FRMPD3: variants seen among roughly 807,000 people sequenced by gnomAD.
FRMPD3 encodes the protein FERM and PDZ domain-containing protein 3.
FRMPD3 carries 42 observed loss-of-function variants against 97.9 expected under a neutral mutation model. The observed-to-expected ratio is 0.43, with a 90% confidence interval of 0.34 to 0.55. The LOEUF (loss-of-function observed/expected upper bound fraction) is 0.55, where lower values mean the gene tolerates loss of function less well. Among genes scored for constraint, FRMPD3 ranks in the 20% least tolerant of loss-of-function variants. FRMPD3 has a pLI of 0.03. For missense variants in FRMPD3, 1,303 were observed against 1,457.7 expected (o/e 0.89, Z 1.73); for synonymous variants, 577 against 581.1 (o/e 0.99, Z 0.10).
Position 107,598,120 on chromosome X carries a change from C to A in FRMPD3, c.2241C>A (p.His747Gln). Reference protein sequence around the residue: ...EALAASEDGPHPPPPQTAGLI... With the variant: ...EALAASEDGPQPPPPQTAGLI... ...TGGCTGCATCCGAGGATGGACCACA[C>A]CCACCACCCCCACAGACTGCAGGTA... Residue 747 changes from histidine to glutamine, a missense_variant, in exon 14 of 15, where the codon CAC (histidine) becomes CAA (glutamine). By Grantham distance (24) the His-to-Gln change is conservative (BLOSUM62 0). Coordinates refer to ENST00000683843, the MANE Select transcript of FRMPD3 (RefSeq NM_001388459.1). The A allele has an allele frequency of 1.7e-6, 2 of 1,204,901 alleles. No individual in the cohort carries two copies. Among genetic ancestry groups the A allele is most frequent in the Non-Finnish European group, 2.2e-6 (2 of 891,046 alleles).
intron 1 of FRMPD3, among the ~76,000 whole-genome samples, chrX:107,504,051 G>A (rs1569413044): frequency 8.9e-6 from 1 of 112,438 alleles, no homozygotes; most frequent in East Asian, 2.8e-4. Flanking sequence ...TGGAGTGGCC[G>A]CAGTGGCACT....
At chrX:107,513,070 C>T (rs1305650140) in intron 1 of FRMPD3, 4 of 112,127 alleles carry the variant, frequency 3.6e-5, no homozygotes, top group African/African-American at 6.5e-5. Context: ...GGGTCCTCTG[C>T]AGTTCCCTCT....
Position 107,604,981 on chromosome X carries a change from G to T in FRMPD3, c.*1608G>T, listed in dbSNP as rs896307842. ...GGACCAAGTTGTTGAATGGGCCAGA[G>T]ATGCAGCCAGTGGGGAATCCTTTTC... On this transcript the variant is annotated 3_prime_UTR_variant, in exon 15 of 15. Transcript: ENST00000683843. 2 of 109,814 alleles carry T rather than the reference G, an allele frequency of 1.8e-5. No individual in the cohort carries two copies. Among genetic ancestry groups the T allele is most frequent in the Non-Finnish European group, 3.8e-5 (2 of 52,752 alleles). 9.0% of individuals were successfully genotyped at this position (109,814 alleles called of 1,213,427 possible).
intron 12 of FRMPD3, 128 bp downstream of exon 12, chrX:107,565,194 T>A (rs973670879): frequency 3.3e-6 from 2 of 607,983 alleles, no homozygotes; most frequent in Non-Finnish European, 5.0e-6. Flanking sequence ...GGTTCAACCC[T>A]GGGACTCTTT....
chrX:107,539,540 C>G (rs776237445), intron 4 of FRMPD3, among the ~76,000 whole-genome samples: 27 of 110,606 alleles, frequency 2.4e-4, no homozygotes, highest in African/African-American at 7.2e-4. Context: ...TGAAAACAGC[C>G]TGTACTTAAA....
At chrX:107,576,818 T>A (rs1243174152) in intron 13 of FRMPD3, among the ~76,000 whole-genome samples, 1 of 111,331 alleles carries the variant, frequency 9.0e-6, no homozygotes, top group Non-Finnish European at 1.9e-5. Flanking sequence ...TCTGGCTCAG[T>A]TGAAGTGAAG....
At chrX:107,466,437 C>G (rs1464906877) in intron 1 of FRMPD3, among the ~76,000 whole-genome samples, 5 of 112,577 alleles carry the variant, frequency 4.4e-5, no homozygotes, top group African/African-American at 1.3e-4. Flanking sequence ...TAGGACCCTG[C>G]AGGGCCGTTT....
At chrX:107,552,247 A>G (rs1189638320) in intron 6 of FRMPD3, among the ~76,000 whole-genome samples, 1 of 112,589 alleles carries the variant, frequency 8.9e-6, no homozygotes, top group Non-Finnish European at 1.9e-5. Flanking sequence ...TTGATCATCT[A>G]TAAAATCCAG....
chrX:107,559,382 T>C (rs1437915588), intron 8 of FRMPD3, among the ~76,000 whole-genome samples: 1 of 112,024 alleles, frequency 8.9e-6, no homozygotes, highest in East Asian at 2.8e-4. Context: ...ATAAAGGACT[T>C]AAGCATCCAC....
intron 12 of FRMPD3, among the ~76,000 whole-genome samples, chrX:107,570,691 T>A (rs1476016629): frequency 9.0e-6 from 1 of 111,608 alleles, no homozygotes. Flanking sequence ...AATATACTGA[T>A]CCCTTGGGTC....
At chrX:107,548,340 A>G (rs967290838) in intron 5 of FRMPD3, among the ~76,000 whole-genome samples, 7 of 112,593 alleles carry the variant, frequency 6.2e-5, no homozygotes, top group Non-Finnish European at 9.4e-5. Context: ...AGTGTTGGGC[A>G]TACAGTAGAG....
intron 5 of FRMPD3, among the ~76,000 whole-genome samples, chrX:107,548,886 G>A (rs550544250): frequency 9.0e-6 from 1 of 111,680 alleles, no homozygotes; most frequent in South Asian, 3.8e-4. Context: ...AGAGCATTGT[G>A]AGAAGCGTGC....
intron 13 of FRMPD3, among the ~76,000 whole-genome samples, chrX:107,590,058 G>A (rs1923834720): frequency 8.9e-6 from 1 of 112,371 alleles, no homozygotes; most frequent in Admixed American, 9.4e-5. Context: ...AGGAGGCTGA[G>A]GCAGGGGAAT....
intron 5 of FRMPD3, among the ~76,000 whole-genome samples, chrX:107,546,226 A>T (rs1358321682): frequency 8.9e-6 from 1 of 111,824 alleles, no homozygotes; most frequent in Non-Finnish European, 1.9e-5. Context: ...CTCTCTTCAC[A>T]TTTAAGTGAT....
chrX:107,600,906 T>C lies in FRMPD3; in HGVS notation c.2867T>C (p.Ile956Thr), dbSNP rs1390939517. Residue 956 changes from isoleucine (I) to threonine (T), a missense_variant, in exon 15 of 15, where the codon ATC becomes ACC. By Grantham distance (89) the Ile-to-Thr change is moderately conservative. Transcript: ENST00000683843. The part of the protein sequence containing the change: ...DPKSSVTPAI[I>T]SAALQQVVHN... ...AAGAGCAGTGTGACCCCTGCCATCA[T>C]CTCGGCCGCCCTACAGCAAGTGGTT... 8.3e-7 allele frequency: 1 copy of C among 1,207,505 alleles called. No homozygotes were observed. Among genetic ancestry groups the C allele is most frequent in the East Asian group, 3.0e-5 (1 of 33,679 alleles).
intron 13 of FRMPD3, among the ~76,000 whole-genome samples, chrX:107,594,602 C>T (rs963178445): frequency 8.9e-5 from 10 of 112,321 alleles, no homozygotes; most frequent in African/African-American, 3.2e-4. Context: ...CTATTTTAGG[C>T]CGGGCGCGGT....
intron 1 of FRMPD3, among the ~76,000 whole-genome samples, chrX:107,511,670 G>T (rs1192560004): frequency 1.8e-5 from 2 of 112,892 alleles, no homozygotes; most frequent in African/African-American, 3.2e-5. Context: ...CCCCAGAGGG[G>T]TGCTATTTGA....
chrX:107,516,156 G>A (rs188404611), intron 1 of FRMPD3, among the ~76,000 whole-genome samples: 1,680 of 108,086 alleles, frequency 0.016, 48 homozygotes, highest in African/African-American at 0.054. Context: ...ATAGTTTGCT[G>A]ACAATGATGG....
At chrX:107,579,011 G>A (rs989332928) in intron 13 of FRMPD3, among the ~76,000 whole-genome samples, 1 of 111,992 alleles carries the variant, frequency 8.9e-6, no homozygotes. Flanking sequence ...ACCAAGGTCC[G>A]AAGTTGAGAT....
Sources: gnomAD v4.1 joint callset for allele counts (sites outside exome capture counted in the v4.1 genomes callset) on GRCh38, gnomAD v4.1.1 for gene constraint, MANE v1.5 for transcripts, NCBI Gene and HGNC (gene_info 2026-07-23, HGNC 2026-07-21) for gene names.